The following SAMD4A variants were observed in gnomAD, a reference collection of about 807,000 sequenced individuals.
SAMD4A encodes sterile alpha motif domain containing 4A.
In SAMD4A, 33 loss-of-function variants were observed where a neutral mutation model predicts 81.3. The observed-to-expected ratio is 0.41, with a 90% confidence interval of 0.31 to 0.54. SAMD4A has a LOEUF of 0.54. Ranked by LOEUF, SAMD4A falls within the 20% of genes least tolerant of loss-of-function variation. The probability of loss-of-function intolerance (pLI) is 0.37; values close to 1 mark genes in which losing one functional copy is unlikely to be tolerated. For missense variants in SAMD4A, 854 were observed against 951.1 expected (o/e 0.90, Z 1.34); for synonymous variants, 389 against 382.1 (o/e 1.02, Z -0.21).
intron 3 of SAMD4A, among the ~76,000 whole-genome samples, chr14:54,733,639 T>C (rs2037615000): frequency 1.3e-5 from 2 of 152,148 alleles, no homozygotes; most frequent in African/African-American, 4.8e-5. Context: ...GTATACTTAA[T>C]TTGGCAGCAT....
intron 2 of SAMD4A, among the ~76,000 whole-genome samples, chr14:54,643,849 T>G (rs571528850): frequency 2.2e-4 from 33 of 152,288 alleles, no homozygotes; most frequent in African/African-American, 7.5e-4. Flanking sequence ...CAGGTTTTTT[T>G]TGTGTGCTTT....
chr14:54,732,176 C>T (rs765947856), intron 3 of SAMD4A, among the ~76,000 whole-genome samples: 17 of 152,096 alleles, frequency 1.1e-4, no homozygotes, highest in Admixed American at 3.9e-4. Flanking sequence ...ATTTAAAAAT[C>T]GGGGTCCCCA....
upstream of SAMD4A, among the ~76,000 whole-genome samples, chr14:54,566,453 G>A (rs989627369): frequency 1.3e-5 from 2 of 151,778 alleles, no homozygotes; most frequent in Non-Finnish European, 2.9e-5. Context: ...CTTGAAGGCT[G>A]AGTCGCTGGG....
chr14:54,637,935 A>G (rs748760601), intron 2 of SAMD4A, among the ~76,000 whole-genome samples: 2 of 152,222 alleles, frequency 1.3e-5, no homozygotes, highest in Non-Finnish European at 2.9e-5. Context: ...CACAGACTCC[A>G]TAGCCTCTCT....
chr14:54,573,687 C>G (rs1052242484), intron 2 of SAMD4A, among the ~76,000 whole-genome samples: 11 of 152,198 alleles, frequency 7.2e-5, no homozygotes, highest in Non-Finnish European at 2.9e-5. Flanking sequence ...CTGAGCTCAT[C>G]CAATTCACAT....
At chr14:54,599,071 C>T (rs751864184) in intron 2 of SAMD4A, among the ~76,000 whole-genome samples, 8 of 152,174 alleles carry the variant, frequency 5.3e-5, no homozygotes, top group African/African-American at 9.7e-5. Context: ...CCTCCCACCT[C>T]GGCCTCCCAA....
chr14:54,599,189 G>A (rs1166576610), intron 2 of SAMD4A, among the ~76,000 whole-genome samples: 1 of 152,122 alleles, frequency 6.6e-6, no homozygotes, highest in Non-Finnish European at 1.5e-5. Context: ...TTAAATTTTT[G>A]ATAGACATTC....
intron 2 of SAMD4A, among the ~76,000 whole-genome samples, chr14:54,585,081 A>G (rs2033578013): frequency 6.6e-6 from 1 of 152,240 alleles, no homozygotes. Context: ...TCCATTTGAC[A>G]TACTGTACAG....
intron 3 of SAMD4A, among the ~76,000 whole-genome samples, chr14:54,729,500 T>C (rs2037506595): frequency 6.6e-6 from 1 of 152,216 alleles, no homozygotes; most frequent in African/African-American, 2.4e-5. Context: ...TCCTGGCCAC[T>C]TGCTTAACTC....
At chr14:54,777,297 C>G (rs1054877055) in intron 11 of SAMD4A, among the ~76,000 whole-genome samples, 1 of 152,102 alleles carries the variant, frequency 6.6e-6, no homozygotes, top group Non-Finnish European at 1.5e-5. Context: ...CCAGTAAGTC[C>G]TATCTGTAGG....
At chr14:54,687,263 C>T (rs1402713208) in intron 2 of SAMD4A, 3 of 434,756 alleles carry the variant, frequency 6.9e-6, no homozygotes, top group South Asian at 1.7e-5. Context: ...GATCCTGCCC[C>T]TCCATGGGCA....
chr14:54,684,614 C>G (rs12887842), intron 2 of SAMD4A, among the ~76,000 whole-genome samples: 1 of 57,740 alleles, frequency 1.7e-5, no homozygotes, highest in Admixed American at 1.6e-4. Flanking sequence ...ACACCCCCGC[C>G]CCCCCCCCCA....
chr14:54,741,451 G>A (rs549572622), intron 4 of SAMD4A, among the ~76,000 whole-genome samples: 1 of 152,322 alleles, frequency 6.6e-6, no homozygotes, highest in African/African-American at 2.4e-5. Flanking sequence ...AAGAGCAGGG[G>A]AAAAGACTCA....
Position 54,758,855 on chromosome 14 carries a change from A to T in SAMD4A, c.1177-1306A>T, listed in dbSNP as rs931040841. Among the ~76,000 whole-genome samples, 66 of 152,070 alleles carry T rather than the reference A, an allele frequency of 4.3e-4. 1 individual carries two copies. The highest frequency in any genetic ancestry group is 1.5e-3 in the African/African-American group (64 of 41,390). The stretch of plus-strand genomic sequence containing the variant: ...CAAAAAAAAAAAAATTAAATACTTC[A>T]TCAGTGATTGGGACCCTGATTATCA... On this transcript the variant is annotated intron_variant, in intron 6 of 12. Transcript: ENST00000554335.
intron 7 of SAMD4A, among the ~76,000 whole-genome samples, chr14:54,762,793 C>G (rs2038436435): frequency 6.6e-6 from 1 of 152,130 alleles, no homozygotes. Flanking sequence ...CAGGGATAGT[C>G]ACTATTAAGT....
rs1478077576 is a variant in SAMD4A, at chr14:54,691,304, TCTGTAGCATCCCCA to T, written c.197-10756_197-10743del. On this transcript the variant is annotated intron_variant, in intron 2 of 12. Coordinates refer to ENST00000554335, the MANE Select transcript of SAMD4A (RefSeq NM_015589.6). ...TATGAGCTCTGAGGTCTTGTCTCCT[TCTGTAGCATCCCCA>T]CCAATGTGGCCAAAGCCAAGGGCCC... 1.2e-4 allele frequency among the ~76,000 whole-genome samples: 18 copies of T among 152,236 alleles called. No individual in the cohort carries two copies. The East Asian group carries it at 3.5e-3, about 29-fold the overall frequency.
At chr14:54,579,745 G>A (rs2033411923) in intron 2 of SAMD4A, among the ~76,000 whole-genome samples, 1 of 152,180 alleles carries the variant, frequency 6.6e-6, no homozygotes, top group Non-Finnish European at 1.5e-5. Flanking sequence ...TGTGGCCTCT[G>A]CATGAATGGG....
Position 54,776,450 on chromosome 14 carries a change from A to G in SAMD4A, c.1954A>G (p.Met652Val), listed in dbSNP as rs749658645. 2 of 1,594,646 alleles carry G rather than the reference A, an allele frequency of 1.3e-6. No homozygotes were observed. Among genetic ancestry groups the G allele is most frequent in the African/African-American group, 1.4e-5 (1 of 73,714 alleles). ...TGCCAACCCCGGGGGCAGCAATAGC[A>G]TGCCAAGCCGCACCCACAGCTCAGT... ...WFANPGGSNSMPSRTHSSVQR... is the reference protein window; with the variant it reads ...WFANPGGSNSVPSRTHSSVQR... The change falls in exon 11 of 13, where the codon ATG becomes GTG. Residue 652 changes from methionine (M) to valine (V), a missense_variant. Physicochemically the swap from Met to Val is conservative, Grantham distance 21. Coordinates refer to ENST00000554335, the MANE Select transcript of SAMD4A (RefSeq NM_015589.6).
rs771375012 is a variant in SAMD4A, at chr14:54,776,521, G to A, written c.2025G>A (p.Met675Ile). ...CCGTGCACACTTCCCCACAGAACAT[G>A]CTGATGTTCCAGCAGCCAGGTAGGG... is the stretch of plus-strand genomic sequence containing the variant. ...SLPVHTSPQNMLMFQQPEFQL... is the reference protein window; with the variant it reads ...SLPVHTSPQNILMFQQPEFQL... The change falls in exon 11 of 13, where the codon ATG becomes ATA. Residue 675 changes from methionine to isoleucine, a missense_variant. This residue lies in a region of SAMD4A where 428 missense variants were observed against 471.2 expected (regional missense o/e 0.91). Transcript: ENST00000554335. The A allele has an allele frequency of 6.4e-7, 1 of 1,574,208 alleles. No individual in the cohort carries two copies. The highest frequency in any genetic ancestry group is 1.2e-5 in the South Asian group (1 of 85,516).
Sources: allele counts gnomAD v4.1 joint callset (sites outside exome capture counted in the v4.1 genomes callset), GRCh38; gene constraint gnomAD v4.1.1; regional missense constraint gnomAD v4.1.1; transcripts MANE v1.5; gene names NCBI Gene and HGNC (gene_info 2026-07-23, HGNC 2026-07-21).